The following PAK3 variants were observed in gnomAD, a reference collection of about 807,000 sequenced individuals.
The protein encoded by PAK3 is serine/threonine-protein kinase PAK 3.
Under a neutral mutation model 41.0 loss-of-function variants are expected in PAK3, and 4 were observed. That is an observed-to-expected ratio of 0.10 (90% confidence interval 0.05 to 0.22). PAK3 has a LOEUF of 0.22. PAK3 is among the 10% of genes least tolerant of loss of function. The pLI, the probability that PAK3 is intolerant of heterozygous loss-of-function variation, is 1.00. For synonymous variants in PAK3, 146 were observed against 139.6 expected, an observed-to-expected ratio of 1.05 and a Z score of -0.32; for missense variants, 205 against 409.9, an observed-to-expected ratio of 0.50 and a Z score of 4.32.
At chrX:110,997,834 A>T (rs143477388) in intron 1 of PAK3, among the ~76,000 whole-genome samples, 1,281 of 110,505 alleles carry the variant, frequency 0.012, 9 homozygotes, top group Non-Finnish European at 0.016. Flanking sequence ...AATGGAAGGG[A>T]TTAGTACCCT....
At chrX:111,195,616 A>G (rs778056160) in intron 14 of PAK3, among the ~76,000 whole-genome samples, 1 of 111,750 alleles carries the variant, frequency 8.9e-6, no homozygotes, top group African/African-American at 3.2e-5. Flanking sequence ...ATCATTCTTA[A>G]TGTCCTAGTC....
chrX:111,028,027 G>GTGTATATATATACATATATATATA (rs57456281), intron 1 of PAK3, among the ~76,000 whole-genome samples: 2 of 97,864 alleles, frequency 2.0e-5, no homozygotes, highest in African/African-American at 7.4e-5. Context: ...ACATATATAT[G>GTGTATATATATACATATATATATA]TGTGTATATA....
intron 16 of PAK3, among the ~76,000 whole-genome samples, chrX:111,210,873 T>C (rs183073256): frequency 7.1e-5 from 8 of 111,945 alleles, no homozygotes; most frequent in African/African-American, 2.3e-4. Flanking sequence ...ACCATAGAAC[T>C]ATCCTGGTTT....
At chrX:110,948,464 G>A (rs1184344199) in intron 1 of PAK3, among the ~76,000 whole-genome samples, 2 of 111,543 alleles carry the variant, frequency 1.8e-5, no homozygotes, top group African/African-American at 3.3e-5. Flanking sequence ...CAGTTTCAGG[G>A]GTCCATTTTG....
chrX:111,017,083 C>T lies in PAK3; in HGVS notation c.-28+72455C>T, dbSNP rs1202255583. Among the ~76,000 whole-genome samples, 9 of 110,583 alleles carry T rather than the reference C, an allele frequency of 8.1e-5. No individual in the cohort carries two copies. The South Asian group carries it at 3.4e-3, about 42-fold the overall frequency. ...TTTATGGAACACGGTGAAAGCAGTG[C>T]TAAAAGTGATATTCATGGCTATAAA... On this transcript the variant is annotated intron_variant, in intron 1 of 14. Coordinates refer to the PAK3 transcript ENST00000425146.
At chrX:111,031,062 T>C (rs2092334510) in intron 1 of PAK3, among the ~76,000 whole-genome samples, 1 of 112,122 alleles carries the variant, frequency 8.9e-6, no homozygotes, top group African/African-American at 3.2e-5. Flanking sequence ...AAATGACTGA[T>C]TCAGTGGAAA....
At chrX:111,136,671 G>A (rs2093794049) in intron 5 of PAK3, among the ~76,000 whole-genome samples, 1 of 112,025 alleles carries the variant, frequency 8.9e-6, no homozygotes, top group Non-Finnish European at 1.9e-5. Context: ...CAATTAGCAG[G>A]TTAGCCAGAT....
rs2093966781 is a variant in PAK3, at chrX:111,147,669, T to C, written c.277-68T>C. On this transcript the variant is annotated intron_variant, in intron 6 of 17. Coordinates refer to ENST00000372007, the MANE Select transcript of PAK3 (RefSeq NM_002578.5). ...GCATGGGCTTCTTGGTGAAGAACTT[T>C]ACTGGAACATAAAAATGCTGCTGCA... 4 of 789,639 alleles carry C rather than the reference T, an allele frequency of 5.1e-6. No individual in the cohort carries two copies. In the South Asian group the frequency reaches 8.2e-5, roughly 16 times the overall value. 65.1% of individuals were successfully genotyped at this position (789,639 alleles called of 1,213,427 possible).
intron 10 of PAK3, among the ~76,000 whole-genome samples, chrX:111,165,081 C>T (rs1287728583): frequency 1.8e-5 from 2 of 111,377 alleles, no homozygotes; most frequent in African/African-American, 6.5e-5. Context: ...CAACAGTGCA[C>T]AGGACGGCTG....
intron 5 of PAK3, among the ~76,000 whole-genome samples, chrX:111,139,722 T>C (rs1324533188): frequency 8.9e-6 from 1 of 111,852 alleles, no homozygotes; most frequent in Non-Finnish European, 1.9e-5. Context: ...TCAGCCCAAG[T>C]GGAGTGTTGA....
chrX:110,958,579 T>C (rs1194150593), intron 1 of PAK3, among the ~76,000 whole-genome samples: 2 of 111,576 alleles, frequency 1.8e-5, no homozygotes, highest in African/African-American at 6.5e-5. Context: ...TAGGAAGACT[T>C]CCATGTTTCT....
At chrX:111,191,966 TA>T (rs1027558004) in intron 11 of PAK3, among the ~76,000 whole-genome samples, 160 bp from the exon 12 acceptor site, 2 of 111,372 alleles carry the variant, frequency 1.8e-5, no homozygotes, top group Admixed American at 9.5e-5. Context: ...TGTTTTTTTT[TA>T]ATCACAATAA....
At chrX:110,955,841 T>C (rs2090845152) in intron 1 of PAK3, among the ~76,000 whole-genome samples, 1 of 112,070 alleles carries the variant, frequency 8.9e-6, no homozygotes, top group Admixed American at 9.4e-5. Flanking sequence ...GAAAGAAAAG[T>C]GGTCCAAGAT....
intron 1 of PAK3, among the ~76,000 whole-genome samples, chrX:111,090,596 A>T (rs1348656775): frequency 9.0e-6 from 1 of 111,361 alleles, no homozygotes; most frequent in Non-Finnish European, 1.9e-5. Context: ...TTATGTGGTT[A>T]TCAGGAGCAG....
intron 1 of PAK3, among the ~76,000 whole-genome samples, chrX:110,982,125 T>C (rs922044206): frequency 9.0e-6 from 1 of 111,590 alleles, no homozygotes; most frequent in Non-Finnish European, 1.9e-5. Flanking sequence ...GGTTAAGGAT[T>C]GAAGCTGAAC....
At chrX:111,213,846 A>G (rs938296942) in intron 16 of PAK3, among the ~76,000 whole-genome samples, 2 of 112,290 alleles carry the variant, frequency 1.8e-5, no homozygotes, top group Non-Finnish European at 3.8e-5. Context: ...AGCAGTTTGA[A>G]CTTAATTGAC....
At chrX:111,188,856 A>G (rs999679588) in intron 11 of PAK3, among the ~76,000 whole-genome samples, 3 of 112,506 alleles carry the variant, frequency 2.7e-5, no homozygotes, top group Admixed American at 9.4e-5. Context: ...ACTCTTTTGC[A>G]TCTAAAGGAA....
chrX:110,955,407 C>T (rs1201612459), intron 1 of PAK3, among the ~76,000 whole-genome samples: 1 of 111,910 alleles, frequency 8.9e-6, no homozygotes, highest in Non-Finnish European at 1.9e-5. Flanking sequence ...GGAGGACTTG[C>T]ACCCATTTCC....
chrX:110,977,113 A>C (rs949887860), intron 1 of PAK3, among the ~76,000 whole-genome samples: 1 of 111,144 alleles, frequency 9.0e-6, no homozygotes, highest in Non-Finnish European at 1.9e-5. Context: ...ATAATAAAAA[A>C]AAATCAGTGG....
Sources: gnomAD v4.1 joint callset for allele counts (sites outside exome capture counted in the v4.1 genomes callset) on GRCh38, gnomAD v4.1.1 for gene constraint, MANE v1.5 for transcripts, NCBI Gene and HGNC (gene_info 2026-07-23, HGNC 2026-07-21) for gene names.